The following PHACTR1 variants were observed in gnomAD, a reference collection of about 807,000 sequenced individuals.
The protein encoded by PHACTR1 is phosphatase and actin regulator 1.
In PHACTR1, 16 loss-of-function variants were observed where a neutral mutation model predicts 69.2. That is an observed-to-expected ratio of 0.23 (90% CI 0.16 to 0.35). PHACTR1 has a LOEUF of 0.35. PHACTR1 is among the 10% of genes least tolerant of loss of function. PHACTR1 has a pLI of 1.00. For missense variants in PHACTR1, 510 were observed against 734.7 expected, an observed-to-expected ratio of 0.69 and a Z score of 3.54; for synonymous variants, 312 against 284.5, an observed-to-expected ratio of 1.10 and a Z score of -0.97.
At chr6:13,200,821 G>T (rs763345031) in intron 7 of PHACTR1, among the ~76,000 whole-genome samples, 39 of 151,526 alleles carry the variant, frequency 2.6e-4, no homozygotes, top group Non-Finnish European at 4.7e-4. Flanking sequence ...GACACCTGTA[G>T]TCCCAGCTAC....
At chr6:12,944,097 AC>A in intron 4 of PHACTR1, among the ~76,000 whole-genome samples, 1 of 152,168 alleles carries the variant, frequency 6.6e-6, no homozygotes, top group East Asian at 1.9e-4. Flanking sequence ...AAGAGACATT[AC>A]CCTCTGTTCT....
chr6:12,845,425 A>AACCCCCCCCC, intron 4 of PHACTR1, among the ~76,000 whole-genome samples: 1 of 14,810 alleles, frequency 6.8e-5, no homozygotes, highest in Non-Finnish European at 1.2e-4. Context: ...TGTGAACACC[A>AACCCCCCCCC]CCCACCCCCC....
chr6:13,029,485 A>G (rs1351892786), intron 4 of PHACTR1, among the ~76,000 whole-genome samples: 1 of 152,218 alleles, frequency 6.6e-6, no homozygotes, highest in Non-Finnish European at 1.5e-5. Flanking sequence ...TAGTGACGGC[A>G]GAATTTAATG....
At chr6:13,193,357 G>GTCTATATATATATATATATA (rs536184609) in intron 7 of PHACTR1, among the ~76,000 whole-genome samples, 1 of 68,162 alleles carries the variant, frequency 1.5e-5, no homozygotes, top group African/African-American at 4.2e-5. Flanking sequence ...AGCTCTCTGT[G>GTCTATATATATATATATATA]TATATATATA....
In PHACTR1 at chr6:13,283,625, A is replaced by C. The variant is rs1584460368; in HGVS notation, c.1650+63A>C. The C allele has an allele frequency of 2.5e-6, 4 of 1,609,696 alleles. No homozygotes were observed. The highest frequency in any genetic ancestry group is 3.4e-6 in the Non-Finnish European group (4 of 1,177,470). ...CCGTCTGCTGGGTCTCGCTGGGCTC[A>C]CCGCTGGGGAGCGTGTAGGGAGACC... On this transcript the variant is annotated intron_variant, in intron 13 of 14. Coordinates refer to ENST00000332995, the MANE Select transcript of PHACTR1 (RefSeq NM_030948.6). The surrounding 1 kb of genome is among the most constrained non-coding windows in gnomAD (Gnocchi z 4.7).
intron 12 of PHACTR1, among the ~76,000 whole-genome samples, chr6:13,282,898 TAG>T (rs10569148): frequency 0.25 from 37,936 of 151,850 alleles, 7,925 homozygotes; most frequent in African/African-American, 0.56. Flanking sequence ...GTTATGAAGA[TAG>T]AGACTGTTTA....
chr6:12,778,743 C>G (rs1270052919), intron 4 of PHACTR1, among the ~76,000 whole-genome samples: 1 of 152,182 alleles, frequency 6.6e-6, no homozygotes, highest in Non-Finnish European at 1.5e-5. Context: ...TGAACCTGTA[C>G]TATATGAAAG....
At chr6:13,166,074 C>G (rs984504066) in intron 6 of PHACTR1, among the ~76,000 whole-genome samples, 1 of 152,206 alleles carries the variant, frequency 6.6e-6, no homozygotes, top group Admixed American at 6.5e-5. Context: ...CCACTTCAGC[C>G]CTGCTTCCTG....
In PHACTR1 at chr6:13,008,556, T is replaced by C. The variant is rs531805078; in HGVS notation, c.251-44809T>C. Among the ~76,000 whole-genome samples, 5 of 152,282 alleles carry C rather than the reference T, an allele frequency of 3.3e-5. No individual in the cohort carries two copies. In the South Asian group the frequency reaches 1.0e-3, roughly 32 times the overall value. ...AAGCTATATCTCCTCTTAATCACAG[T>C]CTTCTCTTCCATTCCACTCCATACT... On this transcript the variant is annotated intron_variant, in intron 4 of 14. Coordinates refer to ENST00000332995, the MANE Select transcript of PHACTR1 (RefSeq NM_030948.6).
chr6:13,253,082 C>G, intron 10 of PHACTR1: 1 of 453,510 alleles, frequency 2.2e-6, no homozygotes, highest in South Asian at 1.6e-5. Flanking sequence ...GGGAAAGGAT[C>G]GGGATTCCTG....
At chr6:12,781,607 A>T (rs1205547093) in intron 4 of PHACTR1, among the ~76,000 whole-genome samples, 2 of 152,204 alleles carry the variant, frequency 1.3e-5, no homozygotes, top group Non-Finnish European at 2.9e-5. Flanking sequence ...CGGGGGCTTA[A>T]TGAAAAGCCT....
chr6:12,902,969 C>T (rs551849199), intron 4 of PHACTR1, among the ~76,000 whole-genome samples: 2 of 152,320 alleles, frequency 1.3e-5, no homozygotes, highest in East Asian at 3.9e-4. Flanking sequence ...GACTGCCTTC[C>T]TCCATGAGTT....
intron 5 of PHACTR1, among the ~76,000 whole-genome samples, chr6:13,068,245 G>A (rs986505325): frequency 5.3e-5 from 8 of 151,934 alleles, no homozygotes; most frequent in Non-Finnish European, 7.4e-5. Context: ...TGAACCTGGG[G>A]GACAGAGGTT....
intron 4 of PHACTR1, among the ~76,000 whole-genome samples, chr6:12,800,962 T>C (rs1488129593): frequency 1.3e-5 from 2 of 152,168 alleles, no homozygotes; most frequent in East Asian, 3.8e-4. Context: ...TGGTGAATTA[T>C]GCCAATACAT....
chr6:13,163,732 T>G (rs1007983582), intron 6 of PHACTR1, among the ~76,000 whole-genome samples: 1 of 152,212 alleles, frequency 6.6e-6, no homozygotes, highest in Non-Finnish European at 1.5e-5. Context: ...CACTGTTGAC[T>G]AGCTGTGCAA....
At chr6:12,945,208 T>G (rs973968666) in intron 4 of PHACTR1, among the ~76,000 whole-genome samples, 1 of 152,150 alleles carries the variant, frequency 6.6e-6, no homozygotes, top group Admixed American at 6.5e-5. Flanking sequence ...CTCTTTTAGG[T>G]CCCCATATAA....
At chr6:13,068,900 G>A (rs559926999) in intron 5 of PHACTR1, among the ~76,000 whole-genome samples, 12 of 152,158 alleles carry the variant, frequency 7.9e-5, no homozygotes, top group African/African-American at 2.9e-4. Context: ...TAAATGGAGC[G>A]ACCTTCTACT....
intron 10 of PHACTR1, chr6:13,264,747 G>A (rs1293522532): frequency 6.6e-6 from 1 of 151,936 alleles, no homozygotes; most frequent in African/African-American, 2.4e-5. Flanking sequence ...ATTTGGCCAG[G>A]TGTGGTAGCT....
chr6:13,212,783 G>A (rs1333262562), intron 8 of PHACTR1, among the ~76,000 whole-genome samples: 4 of 152,060 alleles, frequency 2.6e-5, no homozygotes, highest in East Asian at 3.9e-4. Context: ...TCCCCTGGAC[G>A]GACTGCCCTT....
Sources: gnomAD v4.1 joint callset for allele counts (sites outside exome capture counted in the v4.1 genomes callset) on GRCh38, gnomAD v4.1.1 for gene constraint, Gnocchi (gnomAD v3.1) non-coding constraint, MANE v1.5 for transcripts, NCBI Gene and HGNC (gene_info 2026-07-23, HGNC 2026-07-21) for gene names.